Variants in CHD9 observed in about 807,000 individuals in gnomAD.
CHD9 encodes chromodomain helicase DNA binding protein 9.
Under a neutral mutation model 316.1 loss-of-function variants are expected in CHD9, and 77 were observed. That is an observed-to-expected ratio of 0.24 (90% CI 0.20 to 0.29). CHD9 has a LOEUF of 0.29. CHD9 is among the 10% of genes least tolerant of loss of function. The pLI, the probability that CHD9 is intolerant of heterozygous loss-of-function variation, is 1.00. For synonymous variants in CHD9, 1,129 were observed against 1,158.3 expected (o/e 0.97, Z 0.51); for missense variants, 2,763 against 3,438.1 (o/e 0.80, Z 4.91).
chr16:53,319,807 G>C (rs1724800812), intron 37 of CHD9: 1 of 1,259,278 alleles, frequency 7.9e-7, no homozygotes, highest in South Asian at 1.3e-5. Context: ...AGTCTCTCGG[G>C]TACAGGCTTA....
intron 2 of CHD9, among the ~76,000 whole-genome samples, chr16:53,189,173 C>T (rs549745913): frequency 4.6e-5 from 7 of 151,704 alleles, no homozygotes; most frequent in African/African-American, 7.3e-5. Flanking sequence ...TTCTAATTGC[C>T]CTGACTAGAA....
At chr16:53,271,555 C>T (rs1316828465) in intron 22 of CHD9, among the ~76,000 whole-genome samples, 8 of 145,746 alleles carry the variant, frequency 5.5e-5, no homozygotes, top group Non-Finnish European at 1.0e-4. Context: ...GCTGACAGAG[C>T]GAGACTCTGT....
In CHD9 at chr16:53,064,329, T is replaced by G. The variant is rs528856440; in HGVS notation, c.-165+9252T>G. On this transcript the variant is annotated intron_variant, in intron 1 of 38. Transcript: ENST00000447540. ...TCTTCCCCTCCAGCACAGGGCCTCTTCTTTATTCTTGTTTCTTCAGCAGAA... is the reference window on the plus strand; with the variant it reads ...TCTTCCCCTCCAGCACAGGGCCTCTGCTTTATTCTTGTTTCTTCAGCAGAA... Among the ~76,000 whole-genome samples, 3 of 152,360 alleles carry G rather than the reference T, an allele frequency of 2.0e-5. No homozygotes were observed. In the East Asian group the frequency reaches 5.8e-4, roughly 29 times the overall value.
At chr16:53,176,679 T>G (rs1268394097) in intron 2 of CHD9, among the ~76,000 whole-genome samples, 1 of 152,230 alleles carries the variant, frequency 6.6e-6, no homozygotes, top group Non-Finnish European at 1.5e-5. Context: ...TCACTTCTGC[T>G]TATGCTAGGA....
intron 1 of CHD9, among the ~76,000 whole-genome samples, chr16:53,153,412 G>C (rs982638056): frequency 3.3e-5 from 5 of 152,236 alleles, no homozygotes; most frequent in African/African-American, 1.2e-4. Flanking sequence ...AGTAGGTGGG[G>C]AAGGAAGGCA....
At chr16:53,270,551 A>C (rs780389343) in intron 22 of CHD9, among the ~76,000 whole-genome samples, 18 of 152,172 alleles carry the variant, frequency 1.2e-4, no homozygotes, top group Non-Finnish European at 1.8e-4. Context: ...TTACTTCAAA[A>C]TAATGTGAAA....
chr16:53,304,366 A>G lies in CHD9; in HGVS notation c.6360A>G (p.Lys2120=), dbSNP rs753737274. The G allele has an allele frequency of 1.9e-6, 3 of 1,613,342 alleles. No individual in the cohort carries two copies. Among genetic ancestry groups the G allele is most frequent in the Non-Finnish European group, 2.5e-6 (3 of 1,179,826 alleles). The change falls in exon 31 of 39, where the codon AAA becomes AAG. Residue 2120 remains lysine (K), a synonymous_variant. Transcript: ENST00000447540. The stretch of plus-strand genomic sequence containing the variant: ...TAACTCCAAACCCAGCTTCTAAGAA[A>G]CCAAGAGTCCACAAAAGGGGATCAG... ...EPLTPNPASK[K]PRVHKRGSES...
At chr16:53,257,405 C>T (rs1481227597) in intron 19 of CHD9, among the ~76,000 whole-genome samples, 6 of 152,110 alleles carry the variant, frequency 3.9e-5, no homozygotes, top group Admixed American at 6.6e-5. Flanking sequence ...ACTCTAGCAG[C>T]AGCATGGAGA....
At chr16:53,114,650 C>T (rs1235119721) in intron 1 of CHD9, among the ~76,000 whole-genome samples, 1 of 152,084 alleles carries the variant, frequency 6.6e-6, no homozygotes, top group Non-Finnish European at 1.5e-5. Context: ...TGCAGTGGCG[C>T]AATCTCGGCT....
chr16:53,217,302 G>C (rs1305417734), intron 3 of CHD9, among the ~76,000 whole-genome samples: 1 of 152,178 alleles, frequency 6.6e-6, no homozygotes, highest in African/African-American at 2.4e-5. Context: ...GCCCAGGCTG[G>C]AGTACAGTGG....
chr16:53,304,691 T>A, intron 31 of CHD9, 66 bp downstream of exon 31: 3 of 922,200 alleles, frequency 3.3e-6, no homozygotes, highest in Non-Finnish European at 1.4e-6. Flanking sequence ...TTCTTTTCTT[T>A]TCTTTTTTTT....
At chr16:53,277,434 G>T (rs1399690320) in intron 24 of CHD9, among the ~76,000 whole-genome samples, 1 of 152,090 alleles carries the variant, frequency 6.6e-6, no homozygotes, top group Non-Finnish European at 1.5e-5. Context: ...ACATACCAGG[G>T]ATGGTTTAAC....
intron 2 of CHD9, among the ~76,000 whole-genome samples, chr16:53,201,561 G>A (rs1160446694): frequency 6.6e-6 from 1 of 151,882 alleles, no homozygotes; most frequent in East Asian, 1.9e-4. Context: ...TCTCCCACAG[G>A]CATCTCCTTT....
At chr16:53,125,517 T>C (rs1375813442) in intron 1 of CHD9, among the ~76,000 whole-genome samples, 1 of 152,228 alleles carries the variant, frequency 6.6e-6, no homozygotes, top group African/African-American at 2.4e-5. Flanking sequence ...ATTACAGGCA[T>C]GAGCCACTGC....
chr16:53,285,228 A>C (rs1179694329), intron 24 of CHD9, among the ~76,000 whole-genome samples: 1 of 152,194 alleles, frequency 6.6e-6, no homozygotes, highest in Non-Finnish European at 1.5e-5. Context: ...CTCATGTGCG[A>C]AATGAAATAA....
At chr16:53,125,146 T>C (rs1328492044) in intron 1 of CHD9, among the ~76,000 whole-genome samples, 1 of 152,156 alleles carries the variant, frequency 6.6e-6, no homozygotes, top group African/African-American at 2.4e-5. Context: ...TTGTAAGTGC[T>C]CTTTATATAT....
intron 1 of CHD9, among the ~76,000 whole-genome samples, chr16:53,093,891 G>A (rs1191533728): frequency 2.6e-5 from 4 of 152,132 alleles, no homozygotes; most frequent in Non-Finnish European, 4.4e-5. Context: ...ACCAGCAGAA[G>A]CACAAAAGAG....
At chr16:53,254,673 G>A (rs2050425644) in intron 18 of CHD9, 68 bp downstream of exon 18, 1 of 1,415,748 alleles carries the variant, frequency 7.1e-7, no homozygotes, top group African/African-American at 1.4e-5. Flanking sequence ...CTCCAATAGT[G>A]TGTCATTTAG....
intron 19 of CHD9, among the ~76,000 whole-genome samples, chr16:53,261,369 T>TC (rs1460899586): frequency 1.4e-5 from 2 of 143,576 alleles, no homozygotes; most frequent in African/African-American, 5.1e-5. Flanking sequence ...CTTTTTTTTT[T>TC]TTTTTTTTTT....
Sources: allele counts gnomAD v4.1 joint callset (sites outside exome capture counted in the v4.1 genomes callset), GRCh38; gene constraint gnomAD v4.1.1; transcripts MANE v1.5; gene names NCBI Gene and HGNC (gene_info 2026-07-23, HGNC 2026-07-21).